ZMAT4: variants seen among roughly 807,000 people sequenced by gnomAD.
The protein encoded by ZMAT4 is zinc finger matrin-type 4, also known as zinc finger matrin-type protein 4.
Under a neutral mutation model 28.7 loss-of-function variants are expected in ZMAT4, and 17 were observed. The ratio of observed to expected loss-of-function variants is 0.59; its 90% CI spans 0.41 to 0.89. The LOEUF (loss-of-function observed/expected upper bound fraction) is 0.89. Ranked by LOEUF, ZMAT4 falls within the 40% of genes least tolerant of loss-of-function variation. ZMAT4 has a pLI of 0.00. For synonymous variants in ZMAT4, 117 were observed against 109.2 expected (o/e 1.07, Z -0.44); for missense variants, 240 against 283.8 (o/e 0.85, Z 1.11).
At chr8:40,751,292 A>G (rs771718282) in intron 3 of ZMAT4, among the ~76,000 whole-genome samples, 4 of 152,182 alleles carry the variant, frequency 2.6e-5, no homozygotes, top group Admixed American at 2.6e-4. Flanking sequence ...TACAGGAAGC[A>G]TGGTGCCAGC....
intron 5 of ZMAT4, among the ~76,000 whole-genome samples, chr8:40,618,859 A>G (rs1806105591): frequency 6.6e-6 from 1 of 152,216 alleles, no homozygotes; most frequent in Non-Finnish European, 1.5e-5. Context: ...GATTCAAGGA[A>G]TCGAGTGCAA....
At chr8:40,779,189 AC>A (rs1262123464) in intron 2 of ZMAT4, among the ~76,000 whole-genome samples, 2 of 151,472 alleles carry the variant, frequency 1.3e-5, no homozygotes, top group African/African-American at 2.4e-5. Context: ...ATAAGTGGAA[AC>A]CTCTCTTGCT....
intron 1 of ZMAT4, among the ~76,000 whole-genome samples, chr8:40,850,672 T>C (rs1290847200): frequency 6.6e-6 from 1 of 152,202 alleles, no homozygotes; most frequent in Non-Finnish European, 1.5e-5. Flanking sequence ...TCTTTCTCAC[T>C]AAATTTAGTT....
chr8:40,762,146 G>A (rs1812967317), intron 3 of ZMAT4, among the ~76,000 whole-genome samples: 1 of 152,278 alleles, frequency 6.6e-6, no homozygotes. Context: ...TACGCACAAT[G>A]TCCCACCATC....
chr8:40,713,921 C>CAAAAAAAAAAAAAAAAACA (rs1810733654), intron 3 of ZMAT4, among the ~76,000 whole-genome samples: 1 of 50,028 alleles, frequency 2.0e-5, no homozygotes. Context: ...AAAACAAAAC[C>CAAAAAAAAAAAAAAAAACA]AAAAAAAAAA....
At chr8:40,650,850 GA>G in intron 5 of ZMAT4, among the ~76,000 whole-genome samples, 1 of 151,976 alleles carries the variant, frequency 6.6e-6, no homozygotes. Flanking sequence ...AATAGATGCA[GA>G]AAAAACCTTT....
intron 2 of ZMAT4, among the ~76,000 whole-genome samples, chr8:40,781,422 G>A (rs1017889210): frequency 2.0e-5 from 3 of 152,104 alleles, no homozygotes; most frequent in African/African-American, 7.2e-5. Context: ...AGACAGGGTG[G>A]TACCGGCATA....
intron 1 of ZMAT4, among the ~76,000 whole-genome samples, chr8:40,890,695 G>A (rs1203632619): frequency 2.6e-5 from 4 of 152,066 alleles, no homozygotes; most frequent in African/African-American, 9.7e-5. Flanking sequence ...CCTTCATGTG[G>A]CAGTGGCCCC....
At chr8:40,604,385 G>T (rs775106977) in intron 5 of ZMAT4, among the ~76,000 whole-genome samples, 9 of 152,194 alleles carry the variant, frequency 5.9e-5, no homozygotes, top group Admixed American at 1.3e-4. Context: ...TTACCTTAAG[G>T]TATGTCCCTT....
intron 3 of ZMAT4, among the ~76,000 whole-genome samples, chr8:40,700,324 C>T (rs917337165): frequency 1.3e-5 from 2 of 151,446 alleles, no homozygotes; most frequent in Non-Finnish European, 2.9e-5. Flanking sequence ...GCTGGAATGC[C>T]CTTTTGAATC....
rs186342131 is a variant in ZMAT4 at position 40,777,615 on chromosome 8, G to A, written c.103-9885C>T. On this transcript the variant is annotated intron_variant, in intron 2 of 6. Transcript: ENST00000297737. ...CCCTGAAGCATCTGGGCAGAGGGGC[G>A]GAGGGCATGGCTGGATCACCTGGGA... Among the ~76,000 whole-genome samples, 176 of 152,346 alleles carry A rather than the reference G, an allele frequency of 1.2e-3. No homozygotes were observed. The Middle Eastern group carries it at 0.014, about 12-fold the overall frequency.
chr8:40,581,029 A>T (rs970558248), intron 6 of ZMAT4, 136 bp downstream of exon 6: 2 of 631,208 alleles, frequency 3.2e-6, no homozygotes, highest in African/African-American at 3.6e-5. Context: ...AAGCATAAAT[A>T]TCATGTGAAC....
chr8:40,612,868 A>G (rs1334846946), intron 5 of ZMAT4, among the ~76,000 whole-genome samples: 1 of 142,554 alleles, frequency 7.0e-6, no homozygotes, highest in Non-Finnish European at 1.5e-5. Flanking sequence ...GCTGGAGTGC[A>G]ATGACGTGAT....
intron 5 of ZMAT4, among the ~76,000 whole-genome samples, chr8:40,584,124 C>T (rs77066829): frequency 0.014 from 2,190 of 152,194 alleles, 41 homozygotes; most frequent in African/African-American, 0.05. Flanking sequence ...ATTTTGGGGT[C>T]CTGAGTTTAT....
intron 3 of ZMAT4, among the ~76,000 whole-genome samples, chr8:40,741,749 C>T (rs753108713): frequency 5.3e-5 from 8 of 152,016 alleles, no homozygotes; most frequent in African/African-American, 1.2e-4. Flanking sequence ...TGACAAGTGT[C>T]GGACTGTCTC....
intron 5 of ZMAT4, among the ~76,000 whole-genome samples, chr8:40,655,740 A>G (rs1464924669): frequency 6.6e-6 from 1 of 152,148 alleles, no homozygotes; most frequent in African/African-American, 2.4e-5. Context: ...CATTACAACT[A>G]AATTCCACAT....
At chr8:40,786,975 A>C (rs1369777555) in intron 2 of ZMAT4, among the ~76,000 whole-genome samples, 1 of 152,238 alleles carries the variant, frequency 6.6e-6, no homozygotes, top group African/African-American at 2.4e-5. Context: ...GTTTCACCCG[A>C]GAAATTTTTT....
In ZMAT4 at chr8:40,845,298, T is replaced by C. The variant is rs114813223; in HGVS notation, c.-4-19618A>G. On this transcript the variant is annotated intron_variant, in intron 1 of 6. Coordinates refer to ENST00000297737, the MANE Select transcript of ZMAT4 (RefSeq NM_024645.3). ...AAAAAAAATTTAGGCATCTTCATTA[T>C]TATTTTCAAAAGCCTTGCTTCTCTA... Among the ~76,000 whole-genome samples, 1,021 of 152,326 alleles carry C rather than the reference T, an allele frequency of 6.7e-3. 17 individuals are homozygous for C. Among genetic ancestry groups the C allele is most frequent in the African/African-American group, 0.023 (971 of 41,558 alleles).
chr8:40,533,024 T>A (rs1802742975), intron 6 of ZMAT4, among the ~76,000 whole-genome samples: 1 of 151,780 alleles, frequency 6.6e-6, no homozygotes, highest in Non-Finnish European at 1.5e-5. Flanking sequence ...TTGCAAAAAG[T>A]ATTGATTTAA....
Sources: allele counts gnomAD v4.1 joint callset (sites outside exome capture counted in the v4.1 genomes callset), GRCh38; gene constraint gnomAD v4.1.1; transcripts MANE v1.5; gene names NCBI Gene and HGNC (gene_info 2026-07-23, HGNC 2026-07-21).